The following RPS6KC1 variants were observed in gnomAD, a reference collection of about 807,000 sequenced individuals.
RPS6KC1 encodes inactive ribosomal protein S6 kinase delta-1.
A neutral mutation model predicts 103.8 loss-of-function variants in RPS6KC1; 54 were observed. The observed-to-expected ratio is 0.52, with a 90% CI of 0.42 to 0.65. The LOEUF (loss-of-function observed/expected upper bound fraction) is 0.65. Ranked by LOEUF, RPS6KC1 falls within the 30% of genes least tolerant of loss-of-function variation. The pLI, the probability that RPS6KC1 is intolerant of heterozygous loss-of-function variation, is 0.00. For synonymous variants in RPS6KC1, 439 were observed against 438.7 expected, an observed-to-expected ratio of 1.00 and a Z score of -0.01; for missense variants, 1,151 against 1,253.8, an observed-to-expected ratio of 0.92 and a Z score of 1.24.
the RPS6KC1 span, among the ~76,000 whole-genome samples, chr1:213,503,725 A>G: frequency 0.01 from 1,585 of 152,340 alleles, 30 homozygotes; most frequent in African/African-American, 0.036. Flanking sequence ...GAAAAAATGA[A>G]CAAACAGACA....
At chr1:213,595,344 G>C in the RPS6KC1 span, among the ~76,000 whole-genome samples, 1 of 152,122 alleles carries the variant, frequency 6.6e-6, no homozygotes, top group African/African-American at 2.4e-5. Flanking sequence ...TTGGGTTAAT[G>C]ACAGTGATTT....
chr1:213,357,585 G>A, the RPS6KC1 span, among the ~76,000 whole-genome samples: 1 of 152,338 alleles, frequency 6.6e-6, no homozygotes, highest in African/African-American at 2.4e-5. Context: ...GCAGGGCTCT[G>A]GGCCAGGGCT....
At chr1:213,451,945 C>T in the RPS6KC1 span, among the ~76,000 whole-genome samples, 2 of 152,166 alleles carry the variant, frequency 1.3e-5, no homozygotes, top group African/African-American at 2.4e-5. Flanking sequence ...CAGGAGAAGG[C>T]GAGACTTCCA....
At chr1:213,287,517 A>T in the RPS6KC1 span, among the ~76,000 whole-genome samples, 1 of 152,180 alleles carries the variant, frequency 6.6e-6, no homozygotes, top group South Asian at 2.1e-4. Flanking sequence ...CAACTTTATG[A>T]AATGGACTTG....
At chr1:213,409,790 TA>T in the RPS6KC1 span, among the ~76,000 whole-genome samples, 1 of 152,186 alleles carries the variant, frequency 6.6e-6, no homozygotes, top group Non-Finnish European at 1.5e-5. Context: ...AAGTTGAATT[TA>T]TATAGGGTCC....
Position 213,241,887 on chromosome 1 carries a change from T to C in RPS6KC1, c.2411T>C (p.Val804Ala). Residue 804 changes from valine to alanine, a missense_variant, in exon 11 of 15, where the codon GTG (valine) becomes GCG (alanine). This residue lies in a region of RPS6KC1 where 959 missense variants were observed against 1,006.3 expected (regional missense o/e 0.95). Coordinates refer to ENST00000366960, the MANE Select transcript of RPS6KC1 (RefSeq NM_012424.6). Reference sequence around the variant, plus strand: ...GATCCTAAGTTTCAAGGACTTGGAGTGGTTGAGTCAGCAGTAACTGCAAAC... The same window carrying C: ...GATCCTAAGTTTCAAGGACTTGGAGCGGTTGAGTCAGCAGTAACTGCAAAC... ...SSDPKFQGLGVVESAVTANNT... is the reference protein window; with the variant it reads ...SSDPKFQGLGAVESAVTANNT... 1 of 1,613,908 alleles carries C rather than the reference T, an allele frequency of 6.2e-7. No homozygotes were observed. The highest frequency in any genetic ancestry group is 8.5e-7 in the Non-Finnish European group (1 of 1,179,948).
chr1:213,801,197 A>G, the RPS6KC1 span, among the ~76,000 whole-genome samples: 1 of 152,214 alleles, frequency 6.6e-6, no homozygotes, highest in Non-Finnish European at 1.5e-5. Context: ...GACTAGTGAC[A>G]TTGACATGCT....
At position 213,241,714 on chromosome 1, in the gene RPS6KC1, G is replaced by A; in HGVS notation, c.2238G>A (p.Glu746=). ...LSTEQCQAHE[E]KGIEELSDPS... is the part of the protein sequence containing the mutation. ...CTGAACAATGCCAAGCACATGAGGA[G>A]AAAGGCATAGAGGAACTGAGTGATC... Residue 746 remains glutamate (E), a synonymous_variant, in exon 11 of 15, where the codon GAG becomes GAA. Transcript: ENST00000366960. 1 of 1,613,984 alleles carries A rather than the reference G, an allele frequency of 6.2e-7. No homozygotes were observed. The highest frequency in any genetic ancestry group is 8.5e-7 in the Non-Finnish European group (1 of 1,179,950).
chr1:213,530,900 C>G, the RPS6KC1 span, among the ~76,000 whole-genome samples: 97,518 of 152,206 alleles, frequency 0.64, 33,594 homozygotes, highest in East Asian at 0.98. Flanking sequence ...TGCAGACACT[C>G]CAGAATAATG....
chr1:213,747,952 T>G, the RPS6KC1 span, among the ~76,000 whole-genome samples: 1 of 152,202 alleles, frequency 6.6e-6, no homozygotes, highest in African/African-American at 2.4e-5. Flanking sequence ...GCTTTCATGG[T>G]TCCATATGCA....
At chr1:213,710,563 C>T in the RPS6KC1 span, among the ~76,000 whole-genome samples, 8,739 of 152,100 alleles carry the variant, frequency 0.057, 400 homozygotes, top group Non-Finnish European at 0.08. Flanking sequence ...CATTATGATG[C>T]TAGCTGGTTA....
chr1:213,668,677 T>C, the RPS6KC1 span, among the ~76,000 whole-genome samples: 7 of 152,152 alleles, frequency 4.6e-5, no homozygotes, highest in East Asian at 3.9e-4. Flanking sequence ...TTCTCCTCTA[T>C]AGTTATGGAA....
intron 6 of RPS6KC1, among the ~76,000 whole-genome samples, chr1:213,149,221 CT>C (rs1225404723): frequency 7.2e-5 from 11 of 151,972 alleles, no homozygotes; most frequent in African/African-American, 2.4e-4. Flanking sequence ...TCGGTTTGCT[CT>C]TGCTTTTCTA....
chr1:213,834,665 G>A, the RPS6KC1 span, among the ~76,000 whole-genome samples: 1 of 151,586 alleles, frequency 6.6e-6, no homozygotes, highest in South Asian at 2.1e-4. Context: ...ATTTCTAATG[G>A]GGTCACCTCC....
At chr1:213,445,428 C>A in the RPS6KC1 span, among the ~76,000 whole-genome samples, 1 of 152,184 alleles carries the variant, frequency 6.6e-6, no homozygotes, top group East Asian at 1.9e-4. Context: ...GCTGATCATT[C>A]CAAATCTACC....
chr1:213,512,477 T>G, the RPS6KC1 span, among the ~76,000 whole-genome samples: 1 of 152,216 alleles, frequency 6.6e-6, no homozygotes, highest in Non-Finnish European at 1.5e-5. Flanking sequence ...TCTCCCAGCC[T>G]GCTACTTAAG....
the RPS6KC1 span, among the ~76,000 whole-genome samples, chr1:213,561,555 G>A: frequency 6.6e-6 from 1 of 152,214 alleles, no homozygotes; most frequent in African/African-American, 2.4e-5. Flanking sequence ...CTAGGTGTGT[G>A]CAGATGAGGG....
At position 213,273,379 on chromosome 1, in the gene RPS6KC1, A is replaced by G. The variant is rs1048031167; in HGVS notation, c.*745A>G. 4 of 152,618 alleles carry G rather than the reference A, an allele frequency of 2.6e-5. No homozygotes were observed. The highest frequency in any genetic ancestry group is 9.7e-5 in the African/African-American group (4 of 41,438). The allele number at this position is 152,618 out of a possible 1,614,324, so 9.5% of individuals were successfully genotyped here. Reference sequence around the variant, plus strand: ...GTTCTTCCGACTCCTGCTAACACACATGCAACAAAAAAGGGAAGGGAGTGC... The same window carrying G: ...GTTCTTCCGACTCCTGCTAACACACGTGCAACAAAAAAGGGAAGGGAGTGC... On this transcript the variant is annotated 3_prime_UTR_variant, in exon 15 of 15. Transcript: ENST00000366960.
At chr1:213,631,592 G>A in the RPS6KC1 span, among the ~76,000 whole-genome samples, 2 of 151,868 alleles carry the variant, frequency 1.3e-5, no homozygotes, top group Admixed American at 6.6e-5. Context: ...TAATCACTGG[G>A]CCATTAAGTA....
Sources: allele counts gnomAD v4.1 joint callset (sites outside exome capture counted in the v4.1 genomes callset), GRCh38; gene constraint gnomAD v4.1.1; regional missense constraint gnomAD v4.1.1; transcripts MANE v1.5; gene names NCBI Gene and HGNC (gene_info 2026-07-23, HGNC 2026-07-21).